AFG2A: variants seen among roughly 807,000 people sequenced by gnomAD.
The protein encoded by AFG2A is ATPase family gene 2 protein homolog A.
the AFG2A span, among the ~76,000 whole-genome samples, chr4:122,976,120 A>T: frequency 2.0e-5 from 3 of 152,220 alleles, no homozygotes; most frequent in African/African-American, 7.2e-5. Context: ...TAGTGTTTTG[A>T]ACAAGAAAGG....
the AFG2A span, among the ~76,000 whole-genome samples, chr4:123,079,140 A>G: frequency 6.6e-6 from 1 of 152,222 alleles, no homozygotes; most frequent in Non-Finnish European, 1.5e-5. Context: ...AGTGCCTGCC[A>G]GCTAGTGTTT....
chr4:122,935,618 A>G, the AFG2A span: 11 of 1,385,526 alleles, frequency 7.9e-6, no homozygotes, highest in Non-Finnish European at 8.6e-6. Context: ...GACGCAAGGT[A>G]AAGTTAAATT....
chr4:123,218,915 T>A, the AFG2A span, among the ~76,000 whole-genome samples: 4 of 152,220 alleles, frequency 2.6e-5, no homozygotes, highest in Admixed American at 2.6e-4. Flanking sequence ...CTAAATCTAT[T>A]ACAAAAGTGA....
chr4:123,256,649 T>C, the AFG2A span: 1 of 950,448 alleles, frequency 1.1e-6, no homozygotes. Flanking sequence ...TTATCATCTT[T>C]TTGTCATTTT....
the AFG2A span, among the ~76,000 whole-genome samples, chr4:123,174,203 T>G: frequency 6.6e-6 from 1 of 152,346 alleles, no homozygotes; most frequent in East Asian, 1.9e-4. Context: ...GATTTAGCAG[T>G]GACTACACTT....
At chr4:123,205,046 T>C in the AFG2A span, among the ~76,000 whole-genome samples, 1 of 152,166 alleles carries the variant, frequency 6.6e-6, no homozygotes, top group African/African-American at 2.4e-5. Flanking sequence ...GTCAAGAAAT[T>C]GAGTATTTTT....
the AFG2A span, among the ~76,000 whole-genome samples, chr4:123,009,116 A>G: frequency 6.6e-6 from 1 of 152,186 alleles, no homozygotes; most frequent in Admixed American, 6.5e-5. Flanking sequence ...GAAAAGGTGC[A>G]TGGGTAACGT....
the AFG2A span, chr4:122,935,956 G>C: frequency 7.6e-7 from 1 of 1,314,464 alleles, no homozygotes. Context: ...GAAATATTTT[G>C]CTTCTTAATA....
the AFG2A span, among the ~76,000 whole-genome samples, chr4:123,182,970 G>A: frequency 1.3e-5 from 2 of 152,180 alleles, no homozygotes; most frequent in African/African-American, 4.8e-5. Flanking sequence ...AAATAACTTA[G>A]TACAGTACTT....
the AFG2A span, chr4:123,315,600 C>G: frequency 2.0e-5 from 3 of 152,088 alleles, no homozygotes; most frequent in African/African-American, 7.2e-5. Context: ...TTCATAAATA[C>G]TCTTGAAAAA....
chr4:123,302,772 C>T, the AFG2A span, among the ~76,000 whole-genome samples: 3 of 152,142 alleles, frequency 2.0e-5, no homozygotes, highest in Admixed American at 6.6e-5. Flanking sequence ...GTACAGGCAC[C>T]TATGGGACTA....
chr4:123,103,518 A>C, the AFG2A span, among the ~76,000 whole-genome samples: 4 of 152,170 alleles, frequency 2.6e-5, no homozygotes, highest in Non-Finnish European at 5.9e-5. Flanking sequence ...TTTCTTAAAA[A>C]AATTATGACG....
chr4:122,948,301 T>A, the AFG2A span, among the ~76,000 whole-genome samples: 1 of 151,500 alleles, frequency 6.6e-6, no homozygotes, highest in Non-Finnish European at 1.5e-5. Flanking sequence ...TGAGCAGTCC[T>A]TAGATTTTGG....
At chr4:123,007,642 A>AACACAC in the AFG2A span, among the ~76,000 whole-genome samples, 34 of 25,522 alleles carry the variant, frequency 1.3e-3, no homozygotes, top group Admixed American at 4.2e-3. Context: ...ACACACACAC[A>AACACAC]ACACACACAC....
the AFG2A span, among the ~76,000 whole-genome samples, chr4:123,064,232 C>T: frequency 6.6e-5 from 10 of 152,238 alleles, no homozygotes; most frequent in African/African-American, 2.4e-4. Flanking sequence ...TATTTTACTA[C>T]ATTTGGGAAA....
chr4:123,120,854 C>T, the AFG2A span, among the ~76,000 whole-genome samples: 2 of 152,044 alleles, frequency 1.3e-5, no homozygotes, highest in Non-Finnish European at 2.9e-5. Context: ...ATTACCTATA[C>T]TATACATTTT....
At chr4:122,948,421 CACACACACACACGG>C in the AFG2A span, among the ~76,000 whole-genome samples, 9 of 150,690 alleles carry the variant, frequency 6.0e-5, no homozygotes, top group Admixed American at 5.9e-4. Context: ...CACACACACA[CACACACACACACGG>C]ACATGTAATC....
At chr4:123,084,590 A>ATGTGTG in the AFG2A span, among the ~76,000 whole-genome samples, 65 of 143,278 alleles carry the variant, frequency 4.5e-4, no homozygotes, top group African/African-American at 6.1e-4. Flanking sequence ...GTATATATAT[A>ATGTGTG]TGTGTGTGTG....
chr4:123,084,563 G>A, the AFG2A span, among the ~76,000 whole-genome samples: 3 of 148,996 alleles, frequency 2.0e-5, no homozygotes, highest in African/African-American at 7.4e-5. Flanking sequence ...TATAAAACTA[G>A]TGTATATATG....
Sources: allele counts gnomAD v4.1 joint callset (sites outside exome capture counted in the v4.1 genomes callset), GRCh38; gene constraint gnomAD v4.1.1; transcripts MANE v1.5; gene names NCBI Gene and HGNC (gene_info 2026-07-23, HGNC 2026-07-21).